Variants in LMCD1 observed in about 807,000 individuals in gnomAD.
LMCD1 encodes LIM and cysteine rich domains 1, also known as LIM and cysteine-rich domains protein 1.
A neutral mutation model predicts 42.7 loss-of-function variants in LMCD1; 32 were observed. The ratio of observed to expected loss-of-function variants is 0.75; its 90% CI spans 0.57 to 1.01. The LOEUF is 1.01. LMCD1 is among the 50% of genes least tolerant of loss of function. LMCD1 has a pLI of 0.00. For synonymous variants in LMCD1, 178 were observed against 184.9 expected, an observed-to-expected ratio of 0.96 and a Z score of 0.30; for missense variants, 458 against 483.1, an observed-to-expected ratio of 0.95 and a Z score of 0.49.
chr3:8,562,176 T>A (rs1318955860), intron 4 of LMCD1, among the ~76,000 whole-genome samples: 1 of 152,134 alleles, frequency 6.6e-6, no homozygotes, highest in Non-Finnish European at 1.5e-5. Flanking sequence ...CACCTTGTCA[T>A]GGTTTCTGAG....
rs1417510458 is a variant in LMCD1, at chr3:8,539,175, C to T, written c.387+1735C>T. ...AAAAAACAAACAAACCTTGATCCTT[C>T]GCCATAGAGAGTTTCAGAGGCACAG... is the stretch of plus-strand genomic sequence containing the variant. On this transcript the variant is annotated intron_variant, in intron 3 of 5. Coordinates refer to ENST00000157600, the MANE Select transcript of LMCD1 (RefSeq NM_014583.4). 3.3e-5 allele frequency among the ~76,000 whole-genome samples: 5 copies of T among 152,286 alleles called. No individual in the cohort carries two copies. In the East Asian group the frequency reaches 5.8e-4, roughly 18 times the overall value.
chr3:8,511,789 C>T (rs1326558817), intron 1 of LMCD1, among the ~76,000 whole-genome samples: 1 of 152,194 alleles, frequency 6.6e-6, no homozygotes, highest in African/African-American at 2.4e-5. Context: ...TGTTCCTCTT[C>T]CTCTCAAGCA....
At chr3:8,555,682 T>C (rs1694921992) in intron 4 of LMCD1, among the ~76,000 whole-genome samples, 1 of 151,426 alleles carries the variant, frequency 6.6e-6, no homozygotes, top group South Asian at 2.1e-4. Context: ...ATACTATAAA[T>C]ACTTTTCCAT....
chr3:8,514,295 A>G (rs1054018274), intron 1 of LMCD1, among the ~76,000 whole-genome samples: 2 of 152,220 alleles, frequency 1.3e-5, no homozygotes, highest in Non-Finnish European at 2.9e-5. Context: ...CATTACAGAA[A>G]AACAAACGCA....
At chr3:8,541,142 C>T (rs1466615232) in intron 3 of LMCD1, among the ~76,000 whole-genome samples, 3 of 152,198 alleles carry the variant, frequency 2.0e-5, no homozygotes, top group Admixed American at 2.0e-4. Context: ...ACAGGAGTGC[C>T]TTCCCTTCCA....
At chr3:8,538,590 C>A (rs551752176) in intron 3 of LMCD1, among the ~76,000 whole-genome samples, 1 of 152,208 alleles carries the variant, frequency 6.6e-6, no homozygotes, top group African/African-American at 2.4e-5. Context: ...ACACCAAGCT[C>A]CTGCCCTCCT....
At chr3:8,555,823 T>G (rs1694926006) in intron 4 of LMCD1, among the ~76,000 whole-genome samples, 1 of 145,938 alleles carries the variant, frequency 6.9e-6, no homozygotes, top group South Asian at 2.2e-4. Context: ...ATATTGAAGG[T>G]TTTTCAGGCC....
In LMCD1 at chr3:8,528,898, C is replaced by T. The variant is rs1285012282; in HGVS notation, c.43-3839C>T. Among the ~76,000 whole-genome samples, 3 of 152,124 alleles carry T rather than the reference C, an allele frequency of 2.0e-5. No individual in the cohort carries two copies. In the East Asian group the frequency reaches 5.8e-4, roughly 29 times the overall value. On this transcript the variant is annotated intron_variant, in intron 1 of 5. Transcript: ENST00000157600. ...CTAAGTCCTTTTAAGTCCCTGCCAC[C>T]ATTCAGTTTCACGATAATATCAAAT... is the stretch of plus-strand genomic sequence containing the variant.
At chr3:8,514,416 T>C (rs1214496190) in intron 1 of LMCD1, among the ~76,000 whole-genome samples, 1 of 152,168 alleles carries the variant, frequency 6.6e-6, no homozygotes, top group Non-Finnish European at 1.5e-5. Context: ...CCAGGGAGAA[T>C]ATAAAATGAT....
chr3:8,502,150 A>G (rs1693736855), intron 1 of LMCD1, among the ~76,000 whole-genome samples, 170 bp downstream of exon 1: 1 of 146,866 alleles, frequency 6.8e-6, no homozygotes, highest in African/African-American at 2.5e-5. Flanking sequence ...AGGCACACAC[A>G]CCCCAAACCC....
At chr3:8,547,262 T>C (rs951822894) in intron 3 of LMCD1, among the ~76,000 whole-genome samples, 1 of 152,196 alleles carries the variant, frequency 6.6e-6, no homozygotes, top group African/African-American at 2.4e-5. Context: ...CACCATGACA[T>C]GGGCTGGCCC....
chr3:8,531,735 C>T (rs1191355958), intron 1 of LMCD1, among the ~76,000 whole-genome samples: 1 of 152,192 alleles, frequency 6.6e-6, no homozygotes, highest in Admixed American at 6.5e-5. Context: ...CTAGGGCACA[C>T]CTGAGTCTTA....
Position 8,573,318 on chromosome 3 carries a change from A to C in LMCD1, c.*5720A>C, listed in dbSNP as rs1695249299. On this transcript the variant is annotated 3_prime_UTR_variant, in exon 6 of 6. Coordinates refer to ENST00000157600, the MANE Select transcript of LMCD1 (RefSeq NM_014583.4). ...TATAACATGGTGTTTCGATATATGT[A>C]TACATCGTGGAATGGCTAAATCAAG... The C allele has an allele frequency of 6.6e-6, 1 of 152,244 alleles. No individual in the cohort carries two copies. The highest frequency in any genetic ancestry group is 2.4e-5 in the African/African-American group (1 of 41,456). The allele number at this position is 152,244 out of a possible 1,614,324, so 9.4% of individuals were successfully genotyped here.
chr3:8,548,516 C>A, intron 3 of LMCD1, 52 bp from the exon 4 acceptor site: 1 of 1,297,452 alleles, frequency 7.7e-7, no homozygotes, highest in Non-Finnish European at 1.1e-6. Context: ...GTTTCTTTGA[C>A]TGATGAAGCC....
intron 4 of LMCD1, chr3:8,549,724 G>A: frequency 1.5e-6 from 1 of 683,222 alleles, no homozygotes; most frequent in Non-Finnish European, 2.7e-6. Context: ...TCATACATCT[G>A]TGGAGGCTGA....
chr3:8,509,487 G>A (rs780801288), intron 1 of LMCD1, among the ~76,000 whole-genome samples: 5 of 152,224 alleles, frequency 3.3e-5, no homozygotes, highest in East Asian at 1.9e-4. Flanking sequence ...TCTTTATATA[G>A]CAAATATTTA....
intron 4 of LMCD1, among the ~76,000 whole-genome samples, chr3:8,561,375 C>A (rs1574975671): frequency 1.5e-5 from 2 of 136,530 alleles, no homozygotes; most frequent in Non-Finnish European, 1.5e-5. Context: ...AATAATTGAG[C>A]ACAGAGTTTT....
chr3:8,523,117 C>T (rs1353929391), intron 1 of LMCD1, among the ~76,000 whole-genome samples: 1 of 152,152 alleles, frequency 6.6e-6, no homozygotes, highest in Non-Finnish European at 1.5e-5. Context: ...TCTTTAAAAG[C>T]AAAACAAAAC....
Position 8,548,730 on chromosome 3 carries a change from GA to G in LMCD1, c.552del (p.Glu184AspfsTer131). 2 of 1,614,172 alleles carry G rather than the reference GA, an allele frequency of 1.2e-6. No individual in the cohort carries two copies. The highest frequency in any genetic ancestry group is 1.7e-6 in the Non-Finnish European group (2 of 1,180,026). Reference protein sequence around the residue: ...LLENELKLMEEFVKQYKSEAL... With the variant: ...LLENELKLMEXFVKQYKSEAL... ...GGAGAATGAGTTGAAACTGATGGAA[GA>G]ATTTGTCAAGCAATATAAGAGCGAG... On this transcript the variant is annotated frameshift_variant, in exon 4 of 6. Transcript: ENST00000157600. LOFTEE classifies it high-confidence loss of function.
Sources: gnomAD v4.1 joint callset for allele counts (sites outside exome capture counted in the v4.1 genomes callset) on GRCh38, gnomAD v4.1.1 for gene constraint, MANE v1.5 for transcripts, NCBI Gene and HGNC (gene_info 2026-07-23, HGNC 2026-07-21) for gene names.